CYSLTR1: variants seen among roughly 807,000 people sequenced by gnomAD.
CYSLTR1 encodes the protein cysteinyl leukotriene receptor 1.
In CYSLTR1, 1 loss-of-function variant was observed where a neutral mutation model predicts 2.1. The ratio of observed to expected loss-of-function variants is 0.48; its 90% confidence interval spans 0.17 to 2.28. CYSLTR1 has a LOEUF of 2.28. Among genes scored for constraint, CYSLTR1 ranks in the 30% most tolerant of loss-of-function variants. The pLI is 0.26. For synonymous variants in CYSLTR1, 110 were observed against 89.6 expected, an observed-to-expected ratio of 1.23 and a Z score of -1.28; for missense variants, 299 against 250.1, an observed-to-expected ratio of 1.20 and a Z score of -1.32.
intron 1 of CYSLTR1, among the ~76,000 whole-genome samples, chrX:78,288,984 T>G (rs1021540123): frequency 9.1e-6 from 1 of 110,107 alleles, no homozygotes; most frequent in Non-Finnish European, 1.9e-5. Flanking sequence ...TTAATTATAC[T>G]TTAAGTACTA....
At chrX:78,311,684 C>T (rs1348025141) in intron 1 of CYSLTR1, among the ~76,000 whole-genome samples, 3 of 111,812 alleles carry the variant, frequency 2.7e-5, no homozygotes, top group Non-Finnish European at 5.7e-5. Flanking sequence ...TTTGTGTACA[C>T]CAAAAACATT....
chrX:78,278,816 A>G (rs1921715247), intron 2 of CYSLTR1, among the ~76,000 whole-genome samples: 1 of 112,242 alleles, frequency 8.9e-6, no homozygotes, highest in African/African-American at 3.2e-5. Context: ...ACCTACAACC[A>G]TCTGATATTC....
intron 1 of CYSLTR1, among the ~76,000 whole-genome samples, chrX:78,309,351 C>G (rs1400386870): frequency 9.0e-6 from 1 of 111,275 alleles, no homozygotes; most frequent in Non-Finnish European, 1.9e-5. Flanking sequence ...TCTCAGGACC[C>G]CTCCTGTTAC....
chrX:78,320,030 T>C (rs1923577845), intron 1 of CYSLTR1: 1 of 112,007 alleles, frequency 8.9e-6, no homozygotes, highest in Non-Finnish European at 1.9e-5. Flanking sequence ...GATGAGTAGA[T>C]TGCAAAAATT....
intron 1 of CYSLTR1, among the ~76,000 whole-genome samples, chrX:78,305,762 T>G (rs1923009188): frequency 1.8e-5 from 2 of 112,945 alleles, no homozygotes; most frequent in South Asian, 7.1e-4. Flanking sequence ...GTTATTTTGC[T>G]TAGCATAACG....
Position 78,273,022 on chromosome X carries a change from A to C in CYSLTR1, c.725T>G (p.Phe242Cys). The change falls in exon 3 of 3, where the codon TTT becomes TGT. Residue 242 changes from phenylalanine to cysteine, a missense_variant. Coordinates refer to ENST00000373304, the MANE Select transcript of CYSLTR1 (RefSeq NM_006639.4). ...ATGATATGGCATGAAACTGACTAAA[A>C]AGGCAGCGGTCACGACCATGATCAT... ...IGMIMVVTAA[F>C]LVSFMPYHIQ... 1 of 1,211,613 alleles carries C rather than the reference A, an allele frequency of 8.3e-7. No individual in the cohort carries two copies. Among genetic ancestry groups the C allele is most frequent in the Non-Finnish European group, 1.1e-6 (1 of 895,442 alleles).
intron 1 of CYSLTR1, among the ~76,000 whole-genome samples, chrX:78,296,120 A>G (rs1199737618): frequency 1.8e-5 from 2 of 111,352 alleles, no homozygotes; most frequent in African/African-American, 3.3e-5. Flanking sequence ...GCCTATGGAT[A>G]TTTATTTTTA....
At chrX:78,282,051 T>C (rs1031975905) in intron 2 of CYSLTR1, among the ~76,000 whole-genome samples, 22 of 112,161 alleles carry the variant, frequency 2.0e-4, no homozygotes, top group African/African-American at 6.5e-4. Flanking sequence ...AAGAAACAAC[T>C]ATTTTAGTAT....
chrX:78,309,185 G>A (rs898093424), intron 1 of CYSLTR1, among the ~76,000 whole-genome samples: 12 of 111,154 alleles, frequency 1.1e-4, no homozygotes, highest in African/African-American at 3.9e-4. Context: ...GGGAGAGAGA[G>A]AAGAAAAATT....
chrX:78,323,389 C>G (rs1923740325), intron 1 of CYSLTR1, among the ~76,000 whole-genome samples: 1 of 111,420 alleles, frequency 9.0e-6, no homozygotes, highest in Admixed American at 9.5e-5. Context: ...GGCCCTTTGT[C>G]TTAAGTAAGA....
chrX:78,306,364 A>G (rs1269642311), intron 1 of CYSLTR1, among the ~76,000 whole-genome samples: 1 of 110,686 alleles, frequency 9.0e-6, no homozygotes, highest in African/African-American at 3.3e-5. Context: ...GTGTTTCACC[A>G]TGTTGGCAAG....
chrX:78,322,203 GA>G (rs1923694418), intron 1 of CYSLTR1, among the ~76,000 whole-genome samples: 1 of 111,622 alleles, frequency 9.0e-6, no homozygotes, highest in Non-Finnish European at 1.9e-5. Context: ...ATTGTCAAAT[GA>G]AAAAAAGTTG....
At chrX:78,297,730 T>C in intron 1 of CYSLTR1, among the ~76,000 whole-genome samples, 1 of 111,441 alleles carries the variant, frequency 9.0e-6, no homozygotes, top group African/African-American at 3.2e-5. Context: ...TTGTAATGTC[T>C]CCTTTTTCAT....
At chrX:78,308,024 T>C (rs1446981412) in intron 1 of CYSLTR1, among the ~76,000 whole-genome samples, 2 of 110,133 alleles carry the variant, frequency 1.8e-5, no homozygotes, top group Non-Finnish European at 3.8e-5. Flanking sequence ...AGGGAGGTTT[T>C]TGTAGTGCTG....
intron 1 of CYSLTR1, among the ~76,000 whole-genome samples, chrX:78,288,895 G>T (rs925332642): frequency 9.1e-6 from 1 of 109,340 alleles, no homozygotes; most frequent in African/African-American, 3.3e-5. Context: ...CCTTTCAACT[G>T]TCTATATCCA....
intron 1 of CYSLTR1, among the ~76,000 whole-genome samples, chrX:78,313,878 A>T (rs1191705349): frequency 8.9e-6 from 1 of 112,038 alleles, no homozygotes; most frequent in Non-Finnish European, 1.9e-5. Context: ...ACTGTCTAAG[A>T]GGTTGACAGA....
intron 1 of CYSLTR1, among the ~76,000 whole-genome samples, chrX:78,325,827 C>G (rs1923844030): frequency 9.0e-6 from 1 of 111,558 alleles, no homozygotes; most frequent in African/African-American, 3.3e-5. Context: ...TATTATTGGT[C>G]AATTATACTG....
At chrX:78,307,349 G>A (rs1182271308) in intron 1 of CYSLTR1, among the ~76,000 whole-genome samples, 1 of 111,697 alleles carries the variant, frequency 9.0e-6, no homozygotes, top group African/African-American at 3.3e-5. Flanking sequence ...GACCAGGGAT[G>A]ACTCTCATCT....
chrX:78,301,690 A>T (rs1328651947), intron 1 of CYSLTR1, among the ~76,000 whole-genome samples: 3 of 111,692 alleles, frequency 2.7e-5, no homozygotes, highest in African/African-American at 6.5e-5. Flanking sequence ...TGAGCCCTCC[A>T]AACTGTTTCA....
Sources: allele counts gnomAD v4.1 joint callset (sites outside exome capture counted in the v4.1 genomes callset), GRCh38; gene constraint gnomAD v4.1.1; transcripts MANE v1.5; gene names NCBI Gene and HGNC (gene_info 2026-07-23, HGNC 2026-07-21).